Variants in UGT2B4 observed in about 807,000 individuals in gnomAD.
UGT2B4 encodes the protein UDP-glucuronosyltransferase 2B4.
UGT2B4 carries 49 observed loss-of-function variants against 49.8 expected under a neutral mutation model. The ratio of observed to expected loss-of-function variants is 0.98; its 90% CI spans 0.78 to 1.25. UGT2B4 has a LOEUF of 1.25. UGT2B4 is among the 50% of genes most tolerant of loss of function. UGT2B4 has a pLI of 0.00. For synonymous variants in UGT2B4, 246 were observed against 217.7 expected (o/e 1.13, Z -1.14); for missense variants, 729 against 627.7 (o/e 1.16, Z -1.73).
upstream of UGT2B4, among the ~76,000 whole-genome samples, chr4:69,500,617 GAAAGAAAGA>G (rs1728286432): frequency 8.3e-6 from 1 of 121,098 alleles, no homozygotes; most frequent in Non-Finnish European, 1.9e-5. Flanking sequence ...AAGAAAGAAA[GAAAGAAAGA>G]AAGAAAGAAA....
At chr4:69,489,199 T>G (rs1228187331) in intron 3 of UGT2B4, among the ~76,000 whole-genome samples, 1 of 152,098 alleles carries the variant, frequency 6.6e-6, no homozygotes, top group Non-Finnish European at 1.5e-5. Context: ...TACCTGCAAC[T>G]CTTAATTGTA....
At chr4:69,514,334 C>A (rs944792480) in intron 1 of UGT2B4, among the ~76,000 whole-genome samples, 2 of 151,642 alleles carry the variant, frequency 1.3e-5, no homozygotes, top group African/African-American at 4.8e-5. Flanking sequence ...TGAGAGCATG[C>A]GGTGTTTGGT....
chr4:69,482,852 T>C (rs1431840290), intron 5 of UGT2B4, among the ~76,000 whole-genome samples: 2 of 152,068 alleles, frequency 1.3e-5, no homozygotes, highest in Admixed American at 1.3e-4. Flanking sequence ...GTGATCCACC[T>C]GCCTCAGCCT....
rs766283290 is a variant in UGT2B4, at chr4:69,495,783, G to A, written c.79C>T (p.Leu27=). 2 of 1,613,808 alleles carry A rather than the reference G, an allele frequency of 1.2e-6. No individual in the cohort carries two copies. The highest frequency in any genetic ancestry group is 1.7e-6 in the Non-Finnish European group (2 of 1,179,864). ...TGGCTGAATTCTGTGGGCCACACCAGCACCTTTCCACAACTCCCAGAGCTA... is the reference window on the plus strand; with the variant it reads ...TGGCTGAATTCTGTGGGCCACACCAACACCTTTCCACAACTCCCAGAGCTA... ...YFSSGSCGKV[L]VWPTEFSHWM... The change falls in exon 1 of 6, where the codon CTG becomes TTG. Residue 27 remains leucine (L), a synonymous_variant. Transcript: ENST00000305107.
Position 69,510,982 on chromosome 4 carries a change from C to CTTTTT in UGT2B4, c.-106+14704_-106+14705insAAAAA, listed in dbSNP as rs1259714505. 1.0e-3 allele frequency among the ~76,000 whole-genome samples: 115 copies of CTTTTT among 110,954 alleles called. 5 individuals are homozygous for CTTTTT. The highest frequency in any genetic ancestry group is 1.2e-3 in the Non-Finnish European group (70 of 56,344). The allele number at this position is 110,954 out of a possible 152,430, so 72.8% of individuals were successfully genotyped here. ...GCTTTTCATAAATACTCTTTCTTTT[C>CTTTTT]TTTTCTTCTTTTTTTTTTTTTTTTT... is the stretch of plus-strand genomic sequence containing the variant. On this transcript the variant is annotated intron_variant, in intron 1 of 1. Transcript: ENST00000510114.
intron 5 of UGT2B4, among the ~76,000 whole-genome samples, chr4:69,481,994 C>T (rs940122465): frequency 2.6e-5 from 4 of 152,144 alleles, no homozygotes; most frequent in African/African-American, 7.2e-5. Flanking sequence ...GTTATTTGGT[C>T]CTCAGGATCC....
At chr4:69,502,448 G>A (rs1009465940) in intron 1 of UGT2B4, among the ~76,000 whole-genome samples, 1 of 151,836 alleles carries the variant, frequency 6.6e-6, no homozygotes, top group African/African-American at 2.4e-5. Flanking sequence ...AGAGCTATTC[G>A]GAAAAAGGGC....
chr4:69,517,408 T>C (rs1728758023), intron 1 of UGT2B4, among the ~76,000 whole-genome samples: 1 of 152,166 alleles, frequency 6.6e-6, no homozygotes, highest in African/African-American at 2.4e-5. Flanking sequence ...TCAGTAGTTT[T>C]CAATGATCTG....
At chr4:69,510,908 C>G (rs1424344693) in intron 1 of UGT2B4, among the ~76,000 whole-genome samples, 1 of 151,356 alleles carries the variant, frequency 6.6e-6, no homozygotes, top group East Asian at 1.9e-4. Flanking sequence ...AAGAACATTT[C>G]AGTTTGTTTT....
chr4:69,524,825 G>T (rs1483285686), intron 1 of UGT2B4, among the ~76,000 whole-genome samples: 1 of 152,110 alleles, frequency 6.6e-6, no homozygotes, highest in African/African-American at 2.4e-5. Context: ...GAAAACCAGA[G>T]AACATAATTA....
intron 1 of UGT2B4, among the ~76,000 whole-genome samples, chr4:69,518,606 T>C (rs1432326): frequency 0.59 from 89,380 of 152,052 alleles, 26,996 homozygotes; most frequent in East Asian, 0.75. Context: ...AACTTGGAAA[T>C]AAAATACCTA....
chr4:69,510,654 C>T (rs929528986), intron 1 of UGT2B4, among the ~76,000 whole-genome samples: 2 of 151,866 alleles, frequency 1.3e-5, no homozygotes, highest in Non-Finnish European at 2.9e-5. Context: ...AGAAAGATAA[C>T]TGATTTTTGT....
At chr4:69,490,836 T>A (rs1202474995) in intron 2 of UGT2B4, among the ~76,000 whole-genome samples, 2 of 152,168 alleles carry the variant, frequency 1.3e-5, no homozygotes, top group Non-Finnish European at 2.9e-5. Flanking sequence ...ACATTTGATG[T>A]AACTTACGTT....
At chr4:69,501,012 G>C (rs2109820300) in intron 1 of UGT2B4, among the ~76,000 whole-genome samples, 1 of 152,254 alleles carries the variant, frequency 6.6e-6, no homozygotes, top group Middle Eastern at 3.4e-3. Context: ...CATATTCCTA[G>C]CAAAGAGGTT....
At chr4:69,501,594 T>C (rs915879191) in intron 1 of UGT2B4, among the ~76,000 whole-genome samples, 1 of 152,076 alleles carries the variant, frequency 6.6e-6, no homozygotes, top group Non-Finnish European at 1.5e-5. Flanking sequence ...TTTAAGTGGA[T>C]CCCTGACCCT....
At chr4:69,492,276 T>G (rs945337080) in intron 2 of UGT2B4, among the ~76,000 whole-genome samples, 4 of 152,086 alleles carry the variant, frequency 2.6e-5, no homozygotes, top group African/African-American at 4.8e-5. Context: ...TCTAATAGGG[T>G]ATGTTTATGC....
intron 1 of UGT2B4, among the ~76,000 whole-genome samples, chr4:69,508,164 A>T (rs1728521911): frequency 6.6e-6 from 1 of 152,228 alleles, no homozygotes; most frequent in Admixed American, 6.5e-5. Flanking sequence ...CACACCAGTT[A>T]GAATGGCTAT....
chr4:69,511,295 T>C (rs1173586289), intron 1 of UGT2B4, among the ~76,000 whole-genome samples: 4 of 152,150 alleles, frequency 2.6e-5, no homozygotes, highest in Non-Finnish European at 5.9e-5. Context: ...CAGCTGTTCT[T>C]TCTTATTTTA....
chr4:69,481,143 C>G (rs186167265), intron 5 of UGT2B4, among the ~76,000 whole-genome samples: 5 of 144,314 alleles, frequency 3.5e-5, no homozygotes, highest in African/African-American at 1.0e-4. Flanking sequence ...GTGGCATGTG[C>G]CTGTAGTCCC....
Sources: gnomAD v4.1 joint callset for allele counts (sites outside exome capture counted in the v4.1 genomes callset) on GRCh38, gnomAD v4.1.1 for gene constraint, MANE v1.5 for transcripts, NCBI Gene and HGNC (gene_info 2026-07-23, HGNC 2026-07-21) for gene names.